SEL1L2: variants seen among roughly 807,000 people sequenced by gnomAD.
SEL1L2 encodes the protein SEL1L2 adaptor subunit of SYVN1 ubiquitin ligase.
SEL1L2 carries 89 observed loss-of-function variants against 98.8 expected under a neutral mutation model. That is an observed-to-expected ratio of 0.90 (90% CI 0.76 to 1.07). The LOEUF (loss-of-function observed/expected upper bound fraction) is 1.07. Ranked by LOEUF, SEL1L2 falls within the 50% of genes least tolerant of loss-of-function variation. SEL1L2 has a pLI of 0.00. For synonymous variants in SEL1L2, 262 were observed against 278.5 expected, an observed-to-expected ratio of 0.94 and a Z score of 0.59; for missense variants, 788 against 812.0, an observed-to-expected ratio of 0.97 and a Z score of 0.36.
chr20:13,872,513 T>C (rs2046250658), intron 12 of SEL1L2, among the ~76,000 whole-genome samples: 1 of 152,172 alleles, frequency 6.6e-6, no homozygotes, highest in Admixed American at 6.5e-5. Flanking sequence ...TCCCCAGCAA[T>C]GCTGAACTGT....
At chr20:13,895,725 A>G (rs935607361) in intron 5 of SEL1L2, among the ~76,000 whole-genome samples, 1 of 152,244 alleles carries the variant, frequency 6.6e-6, no homozygotes, top group Non-Finnish European at 1.5e-5. Flanking sequence ...CATTCAGCAT[A>G]GTCATGGAAG....
chr20:13,965,846 G>A (rs573326056), intron 1 of SEL1L2, among the ~76,000 whole-genome samples: 3 of 151,840 alleles, frequency 2.0e-5, no homozygotes, highest in South Asian at 2.1e-4. Context: ...CCAGCTACTC[G>A]GGAGGCTGAG....
At chr20:13,854,492 CT>C (rs1988823552) in intron 18 of SEL1L2, among the ~76,000 whole-genome samples, 2 of 152,128 alleles carry the variant, frequency 1.3e-5, no homozygotes, top group Admixed American at 6.6e-5. Flanking sequence ...CTTTAACATA[CT>C]TATGGTACTT....
intron 10 of SEL1L2, among the ~76,000 whole-genome samples, chr20:13,881,261 C>T (rs566775465): frequency 2.6e-5 from 4 of 152,312 alleles, no homozygotes; most frequent in Admixed American, 2.6e-4. Context: ...ATCTGCCCGC[C>T]TCAGCTTCCC....
intron 1 of SEL1L2, among the ~76,000 whole-genome samples, chr20:13,987,309 CTGTTTT>C (rs1347927223): frequency 9.2e-5 from 7 of 76,246 alleles, no homozygotes; most frequent in Non-Finnish European, 1.7e-4. Context: ...TGTTAATTTA[CTGTTTT>C]TTTTTTTTTT....
chr20:13,994,033 G>T (rs571976187), upstream of SEL1L2, among the ~76,000 whole-genome samples: 1 of 151,960 alleles, frequency 6.6e-6, no homozygotes, highest in African/African-American at 2.4e-5. Flanking sequence ...AAAACAGGCT[G>T]GGCACGGTGG....
chr20:13,883,817 C>T (rs1157623765), intron 10 of SEL1L2, among the ~76,000 whole-genome samples: 1 of 152,232 alleles, frequency 6.6e-6, no homozygotes, highest in Non-Finnish European at 1.5e-5. Flanking sequence ...AGGATGCCCT[C>T]ACATCCAAAT....
At chr20:13,905,924 G>GAATGC (rs1454836314) in intron 5 of SEL1L2, among the ~76,000 whole-genome samples, 2 of 148,002 alleles carry the variant, frequency 1.4e-5, no homozygotes, top group Admixed American at 1.4e-4. Context: ...GCCCAGGCTG[G>GAATGC]AATGCAATGG....
At chr20:13,935,174 AC>A (rs1216243115) in intron 2 of SEL1L2, among the ~76,000 whole-genome samples, 3 of 152,170 alleles carry the variant, frequency 2.0e-5, no homozygotes, top group Admixed American at 6.5e-5. Context: ...AGTCAGCGAG[AC>A]CAAGTATTAG....
rs5840588 is a variant in SEL1L2 at position 13,917,786 on chromosome 20, C to CTTTTTTTTT, written c.386+1226_386+1234dup. On this transcript the variant is annotated intron_variant, in intron 4 of 19. Transcript: ENST00000284951. ...CCATACTTTCTTTATTTCTTTCTTT[C>CTTTTTTTTT]TTTTTTTTTTTTTTTTTTTTTTTTT... Among the ~76,000 whole-genome samples, 76 of 50,104 alleles carry CTTTTTTTTT rather than the reference C, an allele frequency of 1.5e-3. 6 individuals are homozygous for CTTTTTTTTT. The highest frequency in any genetic ancestry group is 3.8e-3 in the African/African-American group (42 of 11,020). The allele number at this position is 50,104 out of a possible 152,430, so 32.9% of individuals were successfully genotyped here. A position where few individuals can be genotyped will look rare whatever the true frequency, so the allele number is the denominator to read the frequency against.
intron 3 of SEL1L2, among the ~76,000 whole-genome samples, chr20:13,922,709 A>AT (rs1426330594): frequency 2.6e-5 from 4 of 152,114 alleles, no homozygotes; most frequent in African/African-American, 7.2e-5. Context: ...TCACTTGTTA[A>AT]TTTTTTTTAG....
rs989625480 is a variant in SEL1L2, at chr20:13,865,028, A to G, written c.1645+139T>C. The stretch of plus-strand genomic sequence containing the variant: ...TCTCTCACCAAAGACTGACCCTAAC[A>G]TCAGTATAGTTTGAAATGTCACCTA... On this transcript the variant is annotated intron_variant, in intron 17 of 19. Transcript: ENST00000284951. 2.4e-5 allele frequency: 16 copies of G among 672,300 alleles called. No homozygotes were observed. In the African/African-American group the frequency reaches 2.5e-4, roughly 11 times the overall value. The allele number at this position is 672,300 out of a possible 1,614,324, so 41.6% of individuals were successfully genotyped here. A position where few individuals can be genotyped will look rare whatever the true frequency, so the allele number is the denominator to read the frequency against.
At chr20:13,935,802 T>C (rs2049423545) in intron 2 of SEL1L2, among the ~76,000 whole-genome samples, 1 of 152,088 alleles carries the variant, frequency 6.6e-6, no homozygotes, top group Admixed American at 6.5e-5. Flanking sequence ...GAGAATATGA[T>C]ATCGTAGAGA....
At chr20:13,942,446 A>G (rs2049822871) in intron 2 of SEL1L2, among the ~76,000 whole-genome samples, 1 of 152,142 alleles carries the variant, frequency 6.6e-6, no homozygotes, top group Non-Finnish European at 1.5e-5. Context: ...TAGACGTGCA[A>G]ATTATCTGCT....
intron 5 of SEL1L2, among the ~76,000 whole-genome samples, chr20:13,898,368 T>C (rs563690908): frequency 1.2e-4 from 19 of 152,126 alleles, no homozygotes; most frequent in Middle Eastern, 3.2e-3. Context: ...TTAAAGAATA[T>C]GGGTGAAGAA....
At chr20:13,864,410 C>T (rs114868293) in intron 17 of SEL1L2, among the ~76,000 whole-genome samples, 1 of 152,276 alleles carries the variant, frequency 6.6e-6, no homozygotes, top group African/African-American at 2.4e-5. Flanking sequence ...CAAAATTGCT[C>T]TCTTATTGCA....
intron 5 of SEL1L2, among the ~76,000 whole-genome samples, chr20:13,910,728 T>G (rs1568951484): frequency 6.6e-6 from 1 of 152,106 alleles, no homozygotes; most frequent in Non-Finnish European, 1.5e-5. Context: ...TTAAAACCAA[T>G]AGCAAAAAAA....
At chr20:13,875,117 C>T (rs919909493) in intron 12 of SEL1L2, among the ~76,000 whole-genome samples, 1 of 152,186 alleles carries the variant, frequency 6.6e-6, no homozygotes, top group Non-Finnish European at 1.5e-5. Flanking sequence ...CTGGGATGTG[C>T]TTCGAAGTTC....
upstream of SEL1L2, among the ~76,000 whole-genome samples, chr20:13,992,156 C>T (rs1015519884): frequency 2.0e-5 from 3 of 152,044 alleles, no homozygotes; most frequent in Non-Finnish European, 2.9e-5. Flanking sequence ...ATATGAAGAA[C>T]GAGAGTGAGT....
Sources: gnomAD v4.1 joint callset for allele counts (sites outside exome capture counted in the v4.1 genomes callset) on GRCh38, gnomAD v4.1.1 for gene constraint, MANE v1.5 for transcripts, NCBI Gene and HGNC (gene_info 2026-07-23, HGNC 2026-07-21) for gene names.